Variants in LY96 observed in about 807,000 individuals in gnomAD.
The protein encoded by LY96 is myeloid differentiation protein-2.
LY96 carries 18 observed loss-of-function variants against 18.9 expected under a neutral mutation model. The observed-to-expected ratio is 0.95, with a 90% CI of 0.66 to 1.41. The LOEUF (loss-of-function observed/expected upper bound fraction) is 1.41. LY96 is among the 40% of genes most tolerant of loss of function. The probability of loss-of-function intolerance (pLI) is 0.00; values close to 1 mark genes in which losing one functional copy is unlikely to be tolerated. For missense variants in LY96, 175 were observed against 182.4 expected (o/e 0.96, Z 0.23); for synonymous variants, 66 against 62.6 (o/e 1.06, Z -0.26).
At chr8:74,074,099 G>A in the LY96 span, among the ~76,000 whole-genome samples, 1 of 152,184 alleles carries the variant, frequency 6.6e-6, no homozygotes, top group African/African-American at 2.4e-5. Flanking sequence ...CCAGGTTCAA[G>A]TGATTCTCCT....
the LY96 span, among the ~76,000 whole-genome samples, chr8:74,046,889 T>C: frequency 2.7e-5 from 4 of 146,168 alleles, no homozygotes; most frequent in Middle Eastern, 3.6e-3. Flanking sequence ...GACCCATCCA[T>C]TCTCATTCTC....
At chr8:74,071,035 C>A in the LY96 span, among the ~76,000 whole-genome samples, 1 of 152,116 alleles carries the variant, frequency 6.6e-6, no homozygotes, top group Admixed American at 6.6e-5. Flanking sequence ...TTCTCATCCC[C>A]ATTTTAAAGA....
chr8:74,035,528 C>G, the LY96 span, among the ~76,000 whole-genome samples: 8 of 152,182 alleles, frequency 5.3e-5, no homozygotes, highest in Admixed American at 1.3e-4. Flanking sequence ...ACTCCCTCCT[C>G]TCAGCCAGGG....
At chr8:74,007,592 T>A (rs189685235) in intron 2 of LY96, among the ~76,000 whole-genome samples, 40 of 152,342 alleles carry the variant, frequency 2.6e-4, no homozygotes, top group African/African-American at 9.1e-4. Context: ...ATGGAAATGA[T>A]ATCTTTTGAG....
the LY96 span, among the ~76,000 whole-genome samples, chr8:74,079,074 G>A: frequency 1.3e-5 from 2 of 152,242 alleles, no homozygotes; most frequent in Admixed American, 6.5e-5. Context: ...AGTAGACTGA[G>A]TAAAGATCAG....
the LY96 span, among the ~76,000 whole-genome samples, chr8:74,038,639 G>A: frequency 1.4e-4 from 22 of 152,154 alleles, no homozygotes; most frequent in African/African-American, 2.2e-4. Flanking sequence ...GAGGCCTACC[G>A]TCTCGGCTTC....
At chr8:73,993,765 G>C (rs1298879081) in intron 1 of LY96, among the ~76,000 whole-genome samples, 3 of 151,866 alleles carry the variant, frequency 2.0e-5, no homozygotes, top group Admixed American at 1.3e-4. Flanking sequence ...TTTTTGTAGA[G>C]ATGGAGTCTT....
At chr8:74,090,394 A>G in the LY96 span, among the ~76,000 whole-genome samples, 2 of 152,240 alleles carry the variant, frequency 1.3e-5, no homozygotes, top group Non-Finnish European at 2.9e-5. Context: ...TAGGATTAGG[A>G]TAATAAGATA....
At chr8:74,086,340 G>T in the LY96 span, among the ~76,000 whole-genome samples, 2 of 152,144 alleles carry the variant, frequency 1.3e-5, no homozygotes, top group African/African-American at 4.8e-5. Flanking sequence ...GAGGATTCTG[G>T]TGCCTGGCAA....
chr8:74,011,026 G>C (rs1051606802), intron 3 of LY96, among the ~76,000 whole-genome samples: 1 of 152,034 alleles, frequency 6.6e-6, no homozygotes, highest in Admixed American at 6.6e-5. Flanking sequence ...ACTCAAATCA[G>C]CTTGTCTACT....
downstream of LY96, among the ~76,000 whole-genome samples, chr8:74,032,253 C>T (rs949014568): frequency 2.6e-5 from 4 of 152,202 alleles, no homozygotes; most frequent in African/African-American, 9.6e-5. Flanking sequence ...CCTGAGAAAC[C>T]TTTACTACAA....
chr8:74,007,586 A>C (rs1173066995), intron 2 of LY96, among the ~76,000 whole-genome samples: 1 of 152,188 alleles, frequency 6.6e-6, no homozygotes, highest in African/African-American at 2.4e-5. Context: ...TTGAGAATGG[A>C]AATGATATCT....
the LY96 span, among the ~76,000 whole-genome samples, chr8:74,098,354 T>G: frequency 2.6e-5 from 4 of 152,130 alleles, no homozygotes; most frequent in Admixed American, 2.0e-4. Context: ...AAAAAAAATC[T>G]CACAGGTTCA....
At chr8:74,085,366 C>T in the LY96 span, among the ~76,000 whole-genome samples, 1 of 152,190 alleles carries the variant, frequency 6.6e-6, no homozygotes. Context: ...GGTATAGTTT[C>T]AGACATCTTG....
At chr8:73,998,983 T>C (rs896337895) in intron 1 of LY96, among the ~76,000 whole-genome samples, 3 of 151,952 alleles carry the variant, frequency 2.0e-5, no homozygotes, top group African/African-American at 7.3e-5. Context: ...TAATTTTTTT[T>C]TTTTTGAGGC....
chr8:73,996,674 C>T (rs1489295792), intron 1 of LY96, among the ~76,000 whole-genome samples: 1 of 151,246 alleles, frequency 6.6e-6, no homozygotes, highest in Non-Finnish European at 1.5e-5. Flanking sequence ...CCACCTTGGC[C>T]TCCTAAAGTG....
chr8:73,992,532 T>C (rs1816024765), intron 1 of LY96, among the ~76,000 whole-genome samples: 1 of 152,194 alleles, frequency 6.6e-6, no homozygotes, highest in Non-Finnish European at 1.5e-5. Flanking sequence ...TTTGTTTGTG[T>C]TTTAGTCTGG....
intron 3 of LY96, among the ~76,000 whole-genome samples, chr8:74,019,460 G>C (rs1467245871): frequency 1.3e-5 from 2 of 152,134 alleles, no homozygotes; most frequent in African/African-American, 4.8e-5. Context: ...TCCAGGACCA[G>C]ACAGATTCAC....
chr8:74,098,635 G>GCTGGGATTACAGGCGTGAGTAA, the LY96 span, among the ~76,000 whole-genome samples: 2 of 152,180 alleles, frequency 1.3e-5, no homozygotes, highest in African/African-American at 4.8e-5. Flanking sequence ...CTCCCAAAGT[G>GCTGGGATTACAGGCGTGAGTAA]CTGGGATTAC....
Sources: allele counts gnomAD v4.1 joint callset (sites outside exome capture counted in the v4.1 genomes callset), GRCh38; gene constraint gnomAD v4.1.1; transcripts MANE v1.5; gene names NCBI Gene and HGNC (gene_info 2026-07-23, HGNC 2026-07-21).